The following SAMD4A variants were observed in gnomAD, a reference collection of about 807,000 sequenced individuals.
The protein encoded by SAMD4A is protein Smaug homolog 1.
SAMD4A carries 33 observed loss-of-function variants against 81.3 expected under a neutral mutation model. The observed-to-expected ratio is 0.41, with a 90% CI of 0.31 to 0.54. The LOEUF (loss-of-function observed/expected upper bound fraction) is 0.54. Among genes scored for constraint, SAMD4A ranks in the 20% least tolerant of loss-of-function variants. The pLI, the probability that SAMD4A is intolerant of heterozygous loss-of-function variation, is 0.37. For synonymous variants in SAMD4A, 389 were observed against 382.1 expected, an observed-to-expected ratio of 1.02 and a Z score of -0.21; for missense variants, 854 against 951.1, an observed-to-expected ratio of 0.90 and a Z score of 1.34.
intron 3 of SAMD4A, among the ~76,000 whole-genome samples, chr14:54,707,743 G>A (rs1380444470): frequency 6.6e-6 from 1 of 152,006 alleles, no homozygotes; most frequent in East Asian, 1.9e-4. Flanking sequence ...TTAGCCAAGT[G>A]GGCATCTGGA....
At chr14:54,585,459 A>G (rs1053399759) in intron 2 of SAMD4A, among the ~76,000 whole-genome samples, 1 of 152,010 alleles carries the variant, frequency 6.6e-6, no homozygotes, top group East Asian at 1.9e-4. Flanking sequence ...TTTTTATTTC[A>G]GTAGGTTTTT....
At chr14:54,759,232 C>T (rs891948684) in intron 6 of SAMD4A, among the ~76,000 whole-genome samples, 9 of 152,172 alleles carry the variant, frequency 5.9e-5, no homozygotes, top group African/African-American at 2.2e-4. Flanking sequence ...AAAACCTTCC[C>T]TGGTTTCCCA....
At chr14:54,764,394 C>A in intron 7 of SAMD4A, 61 bp from the exon 8 acceptor site, 1 of 1,113,162 alleles carries the variant, frequency 9.0e-7, no homozygotes, top group South Asian at 1.4e-5. Context: ...AAATGAGAGT[C>A]AGGTCCCAGA....
chr14:54,763,822 C>G (rs2038467655), intron 7 of SAMD4A, among the ~76,000 whole-genome samples: 1 of 152,220 alleles, frequency 6.6e-6, no homozygotes, highest in African/African-American at 2.4e-5. Flanking sequence ...TGTGTATACT[C>G]TACCCGCAGA....
intron 2 of SAMD4A, among the ~76,000 whole-genome samples, chr14:54,649,936 C>G (rs1191452198): frequency 6.6e-6 from 1 of 152,056 alleles, no homozygotes; most frequent in Non-Finnish European, 1.5e-5. Context: ...TGTTCTTAGT[C>G]TACTTAGACT....
At chr14:54,745,077 C>G (rs1263892878) in intron 4 of SAMD4A, among the ~76,000 whole-genome samples, 1 of 152,166 alleles carries the variant, frequency 6.6e-6, no homozygotes, top group Non-Finnish European at 1.5e-5. Flanking sequence ...TCCCCTGCCA[C>G]GCATCCCAAG....
intron 2 of SAMD4A, among the ~76,000 whole-genome samples, chr14:54,622,304 A>C (rs2140305460): frequency 6.6e-6 from 1 of 152,350 alleles, no homozygotes; most frequent in African/African-American, 2.4e-5. Flanking sequence ...TCATTCTTAG[A>C]GAAAACTCTT....
At chr14:54,777,404 G>C (rs1223769793) in intron 11 of SAMD4A, among the ~76,000 whole-genome samples, 3 of 152,216 alleles carry the variant, frequency 2.0e-5, no homozygotes, top group African/African-American at 7.2e-5. Flanking sequence ...GGTGGAGAGA[G>C]GGAAGGCAGA....
intron 2 of SAMD4A, chr14:54,694,008 G>A (rs1360962985): frequency 2.0e-5 from 3 of 152,582 alleles, no homozygotes; most frequent in East Asian, 1.9e-4. Flanking sequence ...AGCAGCAAGT[G>A]TGAAGGTTCT....
chr14:54,708,354 G>A (rs904197235), intron 3 of SAMD4A, among the ~76,000 whole-genome samples: 13 of 152,226 alleles, frequency 8.5e-5, no homozygotes, highest in African/African-American at 2.4e-4. Flanking sequence ...GAGTAAGCTC[G>A]GGAGTTCAGT....
At chr14:54,687,358 G>A (rs576212851) in intron 2 of SAMD4A, 1 of 456,646 alleles carries the variant, frequency 2.2e-6, no homozygotes, top group South Asian at 1.5e-5. Context: ...GAAGGGTGGT[G>A]TGTGGTCAGC....
intron 2 of SAMD4A, among the ~76,000 whole-genome samples, chr14:54,659,408 G>A (rs866756927): frequency 2.6e-5 from 4 of 152,206 alleles, no homozygotes; most frequent in South Asian, 2.1e-4. Flanking sequence ...GTGTGCGTGC[G>A]CACGCACACA....
chr14:54,696,681 A>G (rs1484752085), intron 2 of SAMD4A, among the ~76,000 whole-genome samples: 3 of 152,336 alleles, frequency 2.0e-5, no homozygotes, highest in South Asian at 4.1e-4. Context: ...TGTCACTCCA[A>G]AAATCATTGG....
chr14:54,789,739 T>C lies in SAMD4A; in HGVS notation c.*795T>C, dbSNP rs1490605738. 6.6e-6 allele frequency: 1 copy of C among 152,254 alleles called. No individual in the cohort carries two copies. The highest frequency in any genetic ancestry group is 2.4e-5 in the African/African-American group (1 of 41,458). 9.4% of individuals were successfully genotyped at this position (152,254 alleles called of 1,614,324 possible). On this transcript the variant is annotated 3_prime_UTR_variant, in exon 13 of 13. Transcript: ENST00000554335. ...AAGCTCTGCTTCTTGGGAAGATGGA[T>C]GCAGTCATGTAGGCCTGAGCTGTCC...
intron 11 of SAMD4A, among the ~76,000 whole-genome samples, chr14:54,783,066 A>G (rs1201872897): frequency 1.3e-5 from 2 of 151,476 alleles, no homozygotes; most frequent in African/African-American, 4.9e-5. Context: ...CACCTGGAAC[A>G]CACCCCGCTG....
chr14:54,737,040 A>G lies in SAMD4A; in HGVS notation c.732A>G (p.Ala244=). 6.2e-7 allele frequency: 1 copy of G among 1,613,842 alleles called. No individual in the cohort carries two copies. The highest frequency in any genetic ancestry group is 1.3e-5 in the African/African-American group (1 of 74,982). ...TTTTTCCAGTTCTCTCAGGCCAGGC[A>G]CACCACAGCCCTTTGAAACGATCTG... is the stretch of plus-strand genomic sequence containing the variant. ...TSTSTILSGQ[A]HHSPLKRSVS... Residue 244 remains alanine, a synonymous_variant, in exon 4 of 13, where the codon GCA becomes GCG. Coordinates refer to ENST00000554335, the MANE Select transcript of SAMD4A (RefSeq NM_015589.6).
chr14:54,620,507 A>C (rs1251663509), intron 2 of SAMD4A, among the ~76,000 whole-genome samples: 1 of 152,152 alleles, frequency 6.6e-6, no homozygotes, highest in Non-Finnish European at 1.5e-5. Flanking sequence ...AAGATCTCCA[A>C]ATGAGGCAAA....
At chr14:54,787,125 G>A (rs1168914899) in intron 12 of SAMD4A, among the ~76,000 whole-genome samples, 1 of 152,132 alleles carries the variant, frequency 6.6e-6, no homozygotes, top group Non-Finnish European at 1.5e-5. Context: ...AGAGGAACGG[G>A]CAGGGAGAGG....
At chr14:54,619,967 T>C (rs1263274416) in intron 2 of SAMD4A, among the ~76,000 whole-genome samples, 1 of 152,196 alleles carries the variant, frequency 6.6e-6, no homozygotes, top group African/African-American at 2.4e-5. Context: ...AGACTTTTTT[T>C]TTCTTTTTTT....
Sources: gnomAD v4.1 joint callset for allele counts (sites outside exome capture counted in the v4.1 genomes callset) on GRCh38, gnomAD v4.1.1 for gene constraint, MANE v1.5 for transcripts, NCBI Gene and HGNC (gene_info 2026-07-23, HGNC 2026-07-21) for gene names.